The following IMMP2L variants were observed in gnomAD, a reference collection of about 807,000 sequenced individuals.
The protein encoded by IMMP2L is inner mitochondrial membrane peptidase subunit 2.
IMMP2L carries 18 observed loss-of-function variants against 19.3 expected under a neutral mutation model. That is an observed-to-expected ratio of 0.93 (90% CI 0.64 to 1.38). IMMP2L has a LOEUF of 1.38. IMMP2L is among the 40% of genes most tolerant of loss of function. The pLI, the probability that IMMP2L is intolerant of heterozygous loss-of-function variation, is 0.00. For missense variants in IMMP2L, 233 were observed against 218.2 expected (o/e 1.07, Z -0.43); for synonymous variants, 76 against 73.0 (o/e 1.04, Z -0.21).
chr7:111,479,089 T>C (rs1563243541), intron 3 of IMMP2L, among the ~76,000 whole-genome samples: 2 of 152,124 alleles, frequency 1.3e-5, no homozygotes, highest in Non-Finnish European at 2.9e-5. Flanking sequence ...TTTACCAGGG[T>C]CCTTCTTCCT....
intron 4 of IMMP2L, among the ~76,000 whole-genome samples, chr7:110,907,195 G>A (rs1046439073): frequency 1.1e-4 from 17 of 152,104 alleles, no homozygotes; most frequent in African/African-American, 2.2e-4. Context: ...AGCCTTTTGC[G>A]CCCACACTTA....
intron 5 of IMMP2L, among the ~76,000 whole-genome samples, chr7:110,846,366 T>G (rs200475073): frequency 0.13 from 14,600 of 113,630 alleles, 1,203 homozygotes; most frequent in African/African-American, 0.26. Context: ...TTTTTTTTTT[T>G]TTGTTGTTGT....
chr7:111,351,671 T>C (rs561184154), intron 3 of IMMP2L, among the ~76,000 whole-genome samples: 1 of 152,272 alleles, frequency 6.6e-6, no homozygotes, highest in East Asian at 1.9e-4. Context: ...AATAAGTGGC[T>C]ATAATGTGAT....
chr7:110,757,587 C>T lies in IMMP2L; in HGVS notation c.409-93866G>A, dbSNP rs1366419809. Among the ~76,000 whole-genome samples, 5 of 152,024 alleles carry T rather than the reference C, an allele frequency of 3.3e-5. No homozygotes were observed. The highest frequency in any genetic ancestry group is 2.1e-4 in the South Asian group (1 of 4,828). ...CCCAGTTGAAGTTCAAAGGTCACTG[C>T]TTTTCTCAAGGGAGGCCTGTCTACC... On this transcript the variant is annotated intron_variant, in intron 5 of 5. Transcript: ENST00000405709. This position sits in a 1 kb window ranked among gnomAD's most constrained non-coding sequence, Gnocchi z 4.2.
At chr7:111,413,873 G>T (rs149047533) in intron 3 of IMMP2L, among the ~76,000 whole-genome samples, 1 of 151,676 alleles carries the variant, frequency 6.6e-6, no homozygotes, top group Non-Finnish European at 1.5e-5. Flanking sequence ...TTCTCTTTCT[G>T]CTTCCGATAT....
chr7:111,179,238 G>A (rs1202743630), intron 3 of IMMP2L, among the ~76,000 whole-genome samples: 1 of 151,908 alleles, frequency 6.6e-6, no homozygotes, highest in African/African-American at 2.4e-5. Flanking sequence ...TCTCAACAAT[G>A]GGTTTAAAAT....
intron 5 of IMMP2L, among the ~76,000 whole-genome samples, chr7:110,805,604 C>T (rs1297973714): frequency 2.0e-5 from 3 of 151,886 alleles, no homozygotes; most frequent in Non-Finnish European, 2.9e-5. Flanking sequence ...TTTGCTATTA[C>T]ACTAACTGAT....
intron 2 of IMMP2L, among the ~76,000 whole-genome samples, chr7:111,517,462 A>C (rs1845969471): frequency 1.3e-5 from 2 of 149,828 alleles, no homozygotes; most frequent in African/African-American, 4.9e-5. Context: ...AAAAAAAAAG[A>C]TAATGACACA....
chr7:110,687,455 C>T (rs1363705889), intron 5 of IMMP2L, among the ~76,000 whole-genome samples: 1 of 152,016 alleles, frequency 6.6e-6, no homozygotes, highest in Non-Finnish European at 1.5e-5. Context: ...ATAGTAGACA[C>T]TCAATGAATA....
chr7:111,177,443 A>C (rs1402513812), intron 3 of IMMP2L, among the ~76,000 whole-genome samples: 1 of 152,084 alleles, frequency 6.6e-6, no homozygotes, highest in Non-Finnish European at 1.5e-5. Context: ...AGGCTCCAAA[A>C]GTGTTATGAT....
At chr7:111,087,794 TA>T (rs2129577337) in intron 3 of IMMP2L, among the ~76,000 whole-genome samples, 1 of 152,230 alleles carries the variant, frequency 6.6e-6, no homozygotes, top group African/African-American at 2.4e-5. Context: ...TATATCTTGT[TA>T]AAGGAGGAAA....
chr7:111,120,744 G>A (rs1315851947), intron 3 of IMMP2L, among the ~76,000 whole-genome samples: 1 of 152,058 alleles, frequency 6.6e-6, no homozygotes, highest in African/African-American at 2.4e-5. Flanking sequence ...TTTATGCAAA[G>A]GAGACTATGG....
intron 3 of IMMP2L, among the ~76,000 whole-genome samples, chr7:111,134,206 T>A (rs1371875982): frequency 6.6e-6 from 1 of 152,028 alleles, no homozygotes; most frequent in Non-Finnish European, 1.5e-5. Flanking sequence ...CCAAAAAAAG[T>A]ACTGTGTCTA....
At chr7:111,045,991 C>A (rs1792355955) in intron 3 of IMMP2L, among the ~76,000 whole-genome samples, 1 of 150,742 alleles carries the variant, frequency 6.6e-6, no homozygotes, top group African/African-American at 2.4e-5. Flanking sequence ...AAGGGAAGGC[C>A]AATAAAATAA....
chr7:111,256,609 A>AT (rs1329772843), intron 3 of IMMP2L, among the ~76,000 whole-genome samples: 2 of 152,084 alleles, frequency 1.3e-5, no homozygotes, highest in Non-Finnish European at 2.9e-5. Flanking sequence ...GATTTTCACT[A>AT]TATGTCCATT....
chr7:111,546,050 T>C (rs1300493155), intron 1 of IMMP2L, among the ~76,000 whole-genome samples: 5 of 152,154 alleles, frequency 3.3e-5, no homozygotes, highest in Non-Finnish European at 5.9e-5. Context: ...TCAGTATATA[T>C]AAACTGCCTT....
At chr7:110,966,901 T>C (rs1355332220) in intron 3 of IMMP2L, among the ~76,000 whole-genome samples, 1 of 152,068 alleles carries the variant, frequency 6.6e-6, no homozygotes, top group African/African-American at 2.4e-5. Context: ...TCCTAGAAAA[T>C]GTGAAGAATA....
At chr7:110,829,889 T>C (rs971193646) in intron 5 of IMMP2L, among the ~76,000 whole-genome samples, 10 of 152,146 alleles carry the variant, frequency 6.6e-5, no homozygotes, top group African/African-American at 2.4e-4. Flanking sequence ...GTTTCCTGCA[T>C]AGAAAATTAC....
intron 5 of IMMP2L, among the ~76,000 whole-genome samples, chr7:110,856,563 A>G (rs1273029126): frequency 2.0e-5 from 3 of 152,094 alleles, no homozygotes; most frequent in Non-Finnish European, 4.4e-5. Flanking sequence ...TTTCCTATAA[A>G]AGATAAAAAA....
Sources: allele counts gnomAD v4.1 joint callset (sites outside exome capture counted in the v4.1 genomes callset), GRCh38; gene constraint gnomAD v4.1.1; non-coding constraint Gnocchi (gnomAD v3.1); transcripts MANE v1.5; gene names NCBI Gene and HGNC (gene_info 2026-07-23, HGNC 2026-07-21).